TRAPPC8: variants seen among roughly 807,000 people sequenced by gnomAD.
The protein encoded by TRAPPC8 is trafficking protein particle complex subunit 8.
In TRAPPC8, 54 loss-of-function variants were observed where a neutral mutation model predicts 174.3. That is an observed-to-expected ratio of 0.31 (90% CI 0.25 to 0.39). The LOEUF is 0.39. Ranked by LOEUF, TRAPPC8 falls within the 10% of genes least tolerant of loss-of-function variation. TRAPPC8 has a pLI of 1.00. For synonymous variants in TRAPPC8, 630 were observed against 579.9 expected, an observed-to-expected ratio of 1.09 and a Z score of -1.24; for missense variants, 1,531 against 1,699.1, an observed-to-expected ratio of 0.90 and a Z score of 1.74.
chr18:31,943,054 C>T lies in TRAPPC8; in HGVS notation c.-290G>A. 1 of 510,306 alleles carries T rather than the reference C, an allele frequency of 2.0e-6. No individual in the cohort carries two copies. Among genetic ancestry groups the T allele is most frequent in the Non-Finnish European group, 3.1e-6 (1 of 326,676 alleles). The allele number at this position is 510,306 out of a possible 1,614,324, so 31.6% of individuals were successfully genotyped here. On this transcript the variant is annotated 5_prime_UTR_variant, in exon 1 of 29. Coordinates refer to ENST00000283351, the MANE Select transcript of TRAPPC8 (RefSeq NM_014939.5). ...GACAGTCACCACTTAGTCCTTCGGA[C>T]GGCAAAACCTTGGTCACTGCCCGGC...
intron 1 of TRAPPC8, among the ~76,000 whole-genome samples, chr18:31,933,077 A>G (rs1273051248): frequency 6.7e-6 from 1 of 150,242 alleles, no homozygotes; most frequent in Non-Finnish European, 1.5e-5. Context: ...CAAGGCGGGC[A>G]GATCACGAGG....
intron 1 of TRAPPC8, among the ~76,000 whole-genome samples, chr18:31,933,021 G>A (rs1168423215): frequency 2.7e-4 from 22 of 81,208 alleles, no homozygotes; most frequent in African/African-American, 8.4e-4. Flanking sequence ...AAAAAAAAAA[G>A]CCGGGCGCAG....
chr18:31,877,923 C>CA (rs147914322), intron 12 of TRAPPC8, among the ~76,000 whole-genome samples: 1,158 of 74,522 alleles, frequency 0.016, 14 homozygotes, highest in East Asian at 0.044. Flanking sequence ...AACTCTGTCT[C>CA]AAAAAAAAAA....
chr18:31,862,252 G>A (rs1219547351), intron 19 of TRAPPC8, among the ~76,000 whole-genome samples: 1 of 151,662 alleles, frequency 6.6e-6, no homozygotes, highest in Non-Finnish European at 1.5e-5. Flanking sequence ...TATTATTGTG[G>A]GAACTTGCAA....
At chr18:31,879,297 A>T (rs528207885) in intron 12 of TRAPPC8, among the ~76,000 whole-genome samples, 68 of 152,322 alleles carry the variant, frequency 4.5e-4, no homozygotes, top group Non-Finnish European at 9.3e-4. Context: ...ACAGTGGAAT[A>T]AAATTAGAAA....
intron 12 of TRAPPC8, among the ~76,000 whole-genome samples, chr18:31,883,955 G>A (rs562923506): frequency 1.3e-5 from 2 of 152,292 alleles, no homozygotes; most frequent in Admixed American, 6.5e-5. Flanking sequence ...TTGGGAGGCT[G>A]AGGCAGGTGG....
At chr18:31,859,225 GA>G (rs1261599961) in intron 19 of TRAPPC8, among the ~76,000 whole-genome samples, 1 of 152,186 alleles carries the variant, frequency 6.6e-6, no homozygotes, top group Non-Finnish European at 1.5e-5. Context: ...GTCACTTCAT[GA>G]AATTCCAGTG....
intron 12 of TRAPPC8, among the ~76,000 whole-genome samples, chr18:31,890,149 C>T (rs2035891692): frequency 6.6e-6 from 1 of 152,092 alleles, no homozygotes; most frequent in Non-Finnish European, 1.5e-5. Flanking sequence ...TATAGTAAAT[C>T]ATCATCTCCC....
At chr18:31,913,603 A>G in intron 4 of TRAPPC8, 81 bp from the exon 5 acceptor site, 1 of 1,089,994 alleles carries the variant, frequency 9.2e-7, no homozygotes, top group Non-Finnish European at 1.2e-6. Context: ...TAGTACAAAA[A>G]TAACATTAAA....
chr18:31,940,661 G>A (rs1266922571), intron 1 of TRAPPC8, among the ~76,000 whole-genome samples: 2 of 151,810 alleles, frequency 1.3e-5, no homozygotes, highest in African/African-American at 4.8e-5. Flanking sequence ...ACCACGCCCA[G>A]CTAATTTTTG....
At chr18:31,839,506 TA>T (rs748337704) in intron 26 of TRAPPC8, 49 bp from the exon 27 acceptor site, 179,451 of 1,014,252 alleles carry the variant, frequency 0.18, 25 homozygotes, top group East Asian at 0.2. Context: ...CTACCTTGTT[TA>T]AAAAAAAAAA....
chr18:31,836,927 A>G (rs1003812073), intron 27 of TRAPPC8, among the ~76,000 whole-genome samples: 13 of 151,836 alleles, frequency 8.6e-5, no homozygotes, highest in Non-Finnish European at 1.5e-4. Flanking sequence ...ACACCCGGCT[A>G]ATTTTTTTGT....
chr18:31,923,108 G>GC (rs1240270557), intron 2 of TRAPPC8, among the ~76,000 whole-genome samples: 1 of 152,108 alleles, frequency 6.6e-6, no homozygotes, highest in Non-Finnish European at 1.5e-5. Flanking sequence ...ATAAGATGCA[G>GC]CCCAAAATAT....
At chr18:31,882,960 C>G (rs1478319034) in intron 12 of TRAPPC8, among the ~76,000 whole-genome samples, 1 of 148,682 alleles carries the variant, frequency 6.7e-6, no homozygotes, top group Non-Finnish European at 1.5e-5. Context: ...CGCAGTGGCT[C>G]ACACCTGTAA....
chr18:31,927,641 G>A (rs2037674122), intron 2 of TRAPPC8, among the ~76,000 whole-genome samples: 1 of 152,128 alleles, frequency 6.6e-6, no homozygotes. Context: ...GGCCTCAAGT[G>A]ATCCTCCCAC....
intron 11 of TRAPPC8, among the ~76,000 whole-genome samples, chr18:31,896,623 T>TTTGTTGTTG (rs376033489): frequency 6.6e-6 from 1 of 152,074 alleles, no homozygotes; most frequent in African/African-American, 2.4e-5. Flanking sequence ...TAGATAAATC[T>TTTGTTGTTG]TTGTTGTTGT....
rs75996632 is a variant in TRAPPC8, at chr18:31,916,972, T to C, written c.443-526A>G. 9.3e-3 allele frequency among the ~76,000 whole-genome samples: 1,415 copies of C among 152,254 alleles called. 74 individuals carry two copies. The highest frequency in any genetic ancestry group is 0.071 in the Admixed American group (1,090 of 15,280). On this transcript the variant is annotated intron_variant, in intron 3 of 28. Coordinates refer to ENST00000283351, the MANE Select transcript of TRAPPC8 (RefSeq NM_014939.5). ...CAGATTTTTTTTGTTGACAGTTTTT[T>C]CGGCCATTAATATATATGTAACAAG...
chr18:31,875,332 T>C (rs2035089610), intron 12 of TRAPPC8, among the ~76,000 whole-genome samples: 3 of 148,960 alleles, frequency 2.0e-5, no homozygotes, highest in African/African-American at 7.3e-5. Flanking sequence ...ATATATATAG[T>C]AGTATATATA....
Position 31,942,788 on chromosome 18 carries a change from CGCCCGCCCTCCG to C in TRAPPC8, c.-36_-25del, listed in dbSNP as rs1015523227. ...ATCGCCGCAGCACAGGCAGCGGCGGCGCCCGCCCTCCGGCCCACCCTGCGAGGTTATCCTGCG... is the reference window on the plus strand; with the variant it reads ...ATCGCCGCAGCACAGGCAGCGGCGGCGCCCACCCTGCGAGGTTATCCTGCG... On this transcript the variant is annotated 5_prime_UTR_variant, in exon 1 of 29. Coordinates refer to ENST00000283351, the MANE Select transcript of TRAPPC8 (RefSeq NM_014939.5). 50 of 1,385,580 alleles carry C rather than the reference CGCCCGCCCTCCG, an allele frequency of 3.6e-5. No individual in the cohort carries two copies. The highest frequency in any genetic ancestry group is 4.6e-5 in the Non-Finnish European group (49 of 1,060,176). 85.8% of individuals were successfully genotyped at this position (1,385,580 alleles called of 1,614,324 possible).
Sources: gnomAD v4.1 joint callset for allele counts (sites outside exome capture counted in the v4.1 genomes callset) on GRCh38, gnomAD v4.1.1 for gene constraint, MANE v1.5 for transcripts, NCBI Gene and HGNC (gene_info 2026-07-23, HGNC 2026-07-21) for gene names.